Variants in TMCC3 observed in about 807,000 individuals in gnomAD.
The protein encoded by TMCC3 is transmembrane and coiled-coil domain protein 3.
Under a neutral mutation model 40.2 loss-of-function variants are expected in TMCC3, and 28 were observed. The ratio of observed to expected loss-of-function variants is 0.70; its 90% CI spans 0.52 to 0.95. The LOEUF is 0.95. TMCC3 is among the 40% of genes least tolerant of loss of function. The pLI is 0.00. For missense variants in TMCC3, 554 were observed against 615.2 expected (o/e 0.90, Z 1.05); for synonymous variants, 255 against 248.5 (o/e 1.03, Z -0.25).
Position 94,639,764 on chromosome 12 carries a change from G to GAA in TMCC3, c.78+10587_78+10588dup, listed in dbSNP as rs10716116. On this transcript the variant is annotated intron_variant, in intron 1 of 3. Transcript: ENST00000261226. ...AAAGGAAGCCAAAATCAAGAGGTAA[G>GAA]AAAAAAAAAAAAAAAAGAAGAAGAA... 3.2e-3 allele frequency among the ~76,000 whole-genome samples: 326 copies of GAA among 103,240 alleles called. 1 individual carries two copies. Among genetic ancestry groups the GAA allele is most frequent in the African/African-American group, 0.012 (314 of 26,448 alleles). 67.7% of individuals were successfully genotyped at this position (103,240 alleles called of 152,430 possible).
At chr12:94,590,749 C>T (rs983853029) in intron 1 of TMCC3, 23 of 395,200 alleles carry the variant, frequency 5.8e-5, no homozygotes, top group Admixed American at 3.3e-5. Flanking sequence ...GGGGTTGTGT[C>T]CTCACGCTTC....
At chr12:94,585,127 T>C (rs963574544) in intron 1 of TMCC3, among the ~76,000 whole-genome samples, 2 of 152,158 alleles carry the variant, frequency 1.3e-5, no homozygotes, top group African/African-American at 4.8e-5. Context: ...CTCTATGTCT[T>C]AGAAACTTCC....
chr12:94,607,486 G>C (rs1455949914), intron 1 of TMCC3, among the ~76,000 whole-genome samples: 6 of 152,194 alleles, frequency 3.9e-5, no homozygotes, highest in Non-Finnish European at 8.8e-5. Flanking sequence ...AATTATAAAA[G>C]TATTAATTTT....
In TMCC3 at chr12:94,610,709, G is replaced by A. The variant is rs141349491; in HGVS notation, c.79-28171C>T. 2.4e-4 allele frequency among the ~76,000 whole-genome samples: 36 copies of A among 152,286 alleles called. 1 individual carries two copies. In the East Asian group the frequency reaches 6.6e-3, roughly 28 times the overall value. On this transcript the variant is annotated intron_variant, in intron 1 of 3. Coordinates refer to ENST00000261226, the MANE Select transcript of TMCC3 (RefSeq NM_020698.4). ...GAAACGGATCTGAATGGGCTACCAT[G>A]GGAAGCTATTCAATCTAAACTGTTA...
chr12:94,572,567 T>A (rs1307712724), intron 3 of TMCC3, among the ~76,000 whole-genome samples: 2 of 152,084 alleles, frequency 1.3e-5, no homozygotes, highest in Non-Finnish European at 2.9e-5. Flanking sequence ...TGCCATGGCC[T>A]CCCACAGTGG....
rs755652268 is a variant in TMCC3, at chr12:94,578,522, G to A, written c.1003C>T (p.Arg335Ter). The A allele has an allele frequency of 6.8e-6, 11 of 1,613,196 alleles. No individual in the cohort carries two copies. Among genetic ancestry groups the A allele is most frequent in the African/African-American group, 2.7e-5 (2 of 74,882 alleles). The change falls in exon 3 of 4, where the codon CGA (arginine) becomes TGA (stop). Residue 335 changes from arginine (R) to a stop codon, truncating the protein, a stop_gained. Transcript: ENST00000261226. LOFTEE classifies it high-confidence loss of function. ...AGGTCATGCAGCTGGTCCTCCAGTC[G>A]CTCATACCTTTAAAAGAGAGGAGCC... ...TLQEERYRYE[R>*]LEDQLHDLTD...
intron 1 of TMCC3, among the ~76,000 whole-genome samples, chr12:94,643,158 C>T (rs374314424): frequency 6.6e-6 from 1 of 151,876 alleles, no homozygotes; most frequent in Non-Finnish European, 1.5e-5. Context: ...CACCACTGCA[C>T]TCCAGCCTGG....
At chr12:94,620,272 A>AT (rs977667022) in intron 1 of TMCC3, among the ~76,000 whole-genome samples, 40 of 147,872 alleles carry the variant, frequency 2.7e-4, no homozygotes, top group Admixed American at 4.7e-4. Context: ...TACTGTGGAA[A>AT]TTTTTTTTTT....
rs2068603401 is a variant in TMCC3, at chr12:94,581,793, G to A, written c.824C>T (p.Ala275Val). 1.9e-6 allele frequency: 3 copies of A among 1,613,944 alleles called. No homozygotes were observed. Among genetic ancestry groups the A allele is most frequent in the South Asian group, 2.2e-5 (2 of 91,074 alleles). Reference sequence around the variant, plus strand: ...GCTGTCCAGTGTGCTGGCTCCACCAGCCCCAAACGACTGGTTTCCGTTACT... The same window carrying A: ...GCTGTCCAGTGTGCTGGCTCCACCAACCCCAAACGACTGGTTTCCGTTACT... ...ADSNGNQSFG[A>V]GGASTLDSQG... Residue 275 changes from alanine to valine, a missense_variant, in exon 2 of 4, where the codon GCT becomes GTT. By Grantham distance (64) the Ala-to-Val change is moderately conservative. Transcript: ENST00000261226.
chr12:94,573,165 A>G (rs2068543070), intron 3 of TMCC3, among the ~76,000 whole-genome samples: 1 of 152,022 alleles, frequency 6.6e-6, no homozygotes, highest in Admixed American at 6.6e-5. Flanking sequence ...CAGCACCATG[A>G]TCCACCCAGT....
At chr12:94,618,825 C>T (rs1373772803) in intron 1 of TMCC3, among the ~76,000 whole-genome samples, 5 of 152,170 alleles carry the variant, frequency 3.3e-5, no homozygotes, top group Non-Finnish European at 7.3e-5. Context: ...ACCAAGATAC[C>T]TTCCAGTTCT....
intron 1 of TMCC3, chr12:94,616,083 G>A (rs930043045): frequency 1.3e-5 from 13 of 985,220 alleles, no homozygotes; most frequent in Non-Finnish European, 1.4e-5. Context: ...ACATTATCTC[G>A]GGGTATTCCT....
Position 94,567,227 on chromosome 12 carries a change from T to C in TMCC3, c.*4208A>G, listed in dbSNP as rs893477185. The C allele has an allele frequency of 3.3e-5, 5 of 152,288 alleles. No individual in the cohort carries two copies. The highest frequency in any genetic ancestry group is 9.6e-5 in the African/African-American group (4 of 41,536). The allele number at this position is 152,288 out of a possible 1,614,324, so 9.4% of individuals were successfully genotyped here. A position where few individuals can be genotyped will look rare whatever the true frequency, so the allele number is the denominator to read the frequency against. On this transcript the variant is annotated 3_prime_UTR_variant, in exon 4 of 4. Transcript: ENST00000261226. ...TTTGGATTCATTGATGACACCACAA[T>C]GGGGTGAAGATCTACAGGGAATTTA...
At chr12:94,640,795 A>G (rs1044724288) in intron 1 of TMCC3, among the ~76,000 whole-genome samples, 2 of 152,102 alleles carry the variant, frequency 1.3e-5, no homozygotes, top group African/African-American at 4.8e-5. Flanking sequence ...TTCAAGTTTC[A>G]CTCCAGAGTC....
intron 1 of TMCC3, among the ~76,000 whole-genome samples, chr12:94,606,411 G>A (rs1161158631): frequency 4.1e-5 from 6 of 147,306 alleles, no homozygotes; most frequent in African/African-American, 1.5e-4. Context: ...CTGTCACCCA[G>A]GCTGGAGTGC....
intron 1 of TMCC3, chr12:94,598,908 C>T (rs2138847193): frequency 2.6e-6 from 1 of 382,748 alleles, no homozygotes; most frequent in Non-Finnish European, 3.6e-6. Flanking sequence ...TTGGCTGTAT[C>T]TCCAAAACAC....
chr12:94,587,151 T>C (rs1030221070), intron 1 of TMCC3, among the ~76,000 whole-genome samples: 1 of 152,236 alleles, frequency 6.6e-6, no homozygotes, highest in Non-Finnish European at 1.5e-5. Flanking sequence ...CAATACACTA[T>C]ACATTGCAGC....
At chr12:94,600,085 T>G (rs187689939) in intron 1 of TMCC3, among the ~76,000 whole-genome samples, 1 of 152,216 alleles carries the variant, frequency 6.6e-6, no homozygotes, top group Admixed American at 6.5e-5. Context: ...TGAATGAATA[T>G]GAATTATGCT....
intron 1 of TMCC3, among the ~76,000 whole-genome samples, chr12:94,610,859 A>C (rs1243965861): frequency 6.6e-6 from 1 of 152,208 alleles, no homozygotes; most frequent in Non-Finnish European, 1.5e-5. Flanking sequence ...CATTTCTAGA[A>C]GCTGTCTTAA....
Sources: allele counts gnomAD v4.1 joint callset (sites outside exome capture counted in the v4.1 genomes callset), GRCh38; gene constraint gnomAD v4.1.1; transcripts MANE v1.5; gene names NCBI Gene and HGNC (gene_info 2026-07-23, HGNC 2026-07-21).